Variants in KCTD15 observed in about 807,000 individuals in gnomAD.
The protein encoded by KCTD15 is potassium channel tetramerization domain containing 15, also known as BTB/POZ domain-containing protein KCTD15.
A neutral mutation model predicts 27.2 loss-of-function variants in KCTD15; 11 were observed. The observed-to-expected ratio is 0.41, with a 90% CI of 0.25 to 0.67. The LOEUF is 0.67. Ranked by LOEUF, KCTD15 falls within the 30% of genes least tolerant of loss-of-function variation. The pLI, the probability that KCTD15 is intolerant of heterozygous loss-of-function variation, is 0.35. For missense variants in KCTD15, 350 were observed against 409.3 expected, an observed-to-expected ratio of 0.86 and a Z score of 1.25; for synonymous variants, 163 against 176.0, an observed-to-expected ratio of 0.93 and a Z score of 0.58.
At chr19:33,801,591 C>A (rs535757594) in intron 4 of KCTD15, 2 of 401,450 alleles carry the variant, frequency 5.0e-6, no homozygotes, top group Admixed American at 8.7e-5. Context: ...TCCTGACCCA[C>A]CTGCAGGGGA....
chr19:33,813,348 A>T lies in KCTD15; in HGVS notation c.*400A>T, dbSNP rs1200603857. On this transcript the variant is annotated 3_prime_UTR_variant, in exon 7 of 7. Transcript: ENST00000683859. ...TGGCGGGTCTCCTAGCGTCCGAGAG[A>T]TGGCTTATTTTCTACAGTATTTAAA... 7.2e-6 allele frequency: 3 copies of T among 415,630 alleles called. No individual in the cohort carries two copies. The East Asian group carries it at 1.8e-4, about 25-fold the overall frequency. 25.7% of individuals were successfully genotyped at this position (415,630 alleles called of 1,614,324 possible).
At chr19:33,800,390 G>C (rs1350973706) in intron 2 of KCTD15, 38 bp from the exon 3 acceptor site, 5 of 1,480,966 alleles carry the variant, frequency 3.4e-6, no homozygotes, top group South Asian at 1.2e-5. Context: ...TGACTAGGAG[G>C]AATAAGCCTT....
intron 4 of KCTD15, among the ~76,000 whole-genome samples, chr19:33,804,029 CAG>C (rs61051888): frequency 0.047 from 7,184 of 152,144 alleles, 521 homozygotes; most frequent in African/African-American, 0.16. Context: ...CATCCTCTCT[CAG>C]AGGGTGGCCT....
chr19:33,803,970 G>A (rs1370855261), intron 4 of KCTD15, among the ~76,000 whole-genome samples: 1 of 152,198 alleles, frequency 6.6e-6, no homozygotes, highest in Non-Finnish European at 1.5e-5. Flanking sequence ...AGCGTGAACT[G>A]GCCACCTCAT....
chr19:33,805,028 A>C (rs79035980), intron 4 of KCTD15, among the ~76,000 whole-genome samples: 2 of 152,188 alleles, frequency 1.3e-5, no homozygotes, highest in African/African-American at 4.8e-5. Flanking sequence ...CATGGACTCA[A>C]GTGATCCTCC....
chr19:33,800,090 G>A (rs287104), intron 2 of KCTD15, among the ~76,000 whole-genome samples: 101,506 of 152,080 alleles, frequency 0.67, 34,853 homozygotes, highest in African/African-American at 0.8. Flanking sequence ...GGAAAATCTG[G>A]TTTGTTCTGA....
chr19:33,801,075 ACT>A (rs1975523280), intron 3 of KCTD15, 90 bp from the exon 4 acceptor site: 3 of 1,220,964 alleles, frequency 2.5e-6, no homozygotes, highest in African/African-American at 1.5e-5. Flanking sequence ...CTGTGATCAC[ACT>A]CTCAATAAAG....
In KCTD15 at chr19:33,797,277, TGTGTGTGC is replaced by T. The variant is rs1354026546; in HGVS notation, c.-127+292_-127+299del. On this transcript the variant is annotated intron_variant, in intron 1 of 6. Coordinates refer to ENST00000683859, the MANE Select transcript of KCTD15 (RefSeq NM_001129994.2). The stretch of plus-strand genomic sequence containing the variant: ...GTGTGTGTGTGTGTGTGTGTGTGTG[TGTGTGTGC>T]GCGCGCGCGCGCGCGCGCTTGTGGA... 9.1e-3 allele frequency: 2,111 copies of T among 232,794 alleles called. 66 individuals are homozygous for T. Among genetic ancestry groups the T allele is most frequent in the African/African-American group, 0.045 (962 of 21,146 alleles). The allele number at this position is 232,794 out of a possible 1,614,324, so 14.4% of individuals were successfully genotyped here. A position where few individuals can be genotyped will look rare whatever the true frequency, so the allele number is the denominator to read the frequency against.
intron 4 of KCTD15, among the ~76,000 whole-genome samples, chr19:33,802,101 G>T (rs1469498637): frequency 6.6e-6 from 1 of 152,200 alleles, no homozygotes; most frequent in Non-Finnish European, 1.5e-5. Flanking sequence ...CTTGCAGGGT[G>T]TTTCTCTCCT....
chr19:33,806,465 A>G (rs1032543722), intron 4 of KCTD15, among the ~76,000 whole-genome samples: 2 of 151,788 alleles, frequency 1.3e-5, no homozygotes, highest in Non-Finnish European at 2.9e-5. Flanking sequence ...TGGATGGTTC[A>G]TGTGCATTTT....
chr19:33,804,997 G>A (rs207477186), intron 4 of KCTD15, among the ~76,000 whole-genome samples: 8 of 151,622 alleles, frequency 5.3e-5, no homozygotes, highest in South Asian at 2.1e-4. Flanking sequence ...GTGTGATCTC[G>A]GCTCATTGCA....
chr19:33,811,843 A>C (rs775581537), intron 6 of KCTD15: 2 of 1,606,148 alleles, frequency 1.2e-6, no homozygotes, highest in East Asian at 4.5e-5. Context: ...GCTTCATTTG[A>C]CACCCAGAGT....
rs1005653105 is a variant in KCTD15 at position 33,797,518 on chromosome 19, C to T, written c.-127+531C>T. The T allele has an allele frequency of 3.9e-5, 15 of 379,990 alleles. No individual in the cohort carries two copies. In the Middle Eastern group the frequency reaches 2.2e-3, roughly 55 times the overall value. 23.5% of individuals were successfully genotyped at this position (379,990 alleles called of 1,614,324 possible). A position where few individuals can be genotyped will look rare whatever the true frequency, so the allele number is the denominator to read the frequency against. On this transcript the variant is annotated intron_variant, in intron 1 of 6. Transcript: ENST00000683859. The stretch of plus-strand genomic sequence containing the variant: ...CGAAACCTGGCAGGAGGGGCTGTCG[C>T]GCTGGTGGTGGTCCCGGGCGCGCAG...
intron 3 of KCTD15, among the ~76,000 whole-genome samples, chr19:33,800,721 G>A (rs1252252249): frequency 6.6e-6 from 1 of 152,198 alleles, no homozygotes; most frequent in Admixed American, 6.5e-5. Flanking sequence ...CAACGCCTTA[G>A]GTGCTGAGGA....
At position 33,811,324 on chromosome 19, in the gene KCTD15, G is replaced by A. The variant is rs567859330; in HGVS notation, c.465G>A (p.Gln155=). 346 of 1,553,270 alleles carry A rather than the reference G, an allele frequency of 2.2e-4. 2 individuals carry two copies. The Middle Eastern group carries it at 2.5e-3, about 11-fold the overall frequency. Residue 155 remains glutamine, a synonymous_variant, in exon 6 of 7, where the codon CAG becomes CAA. Transcript: ENST00000683859. Reference sequence around the variant, plus strand: ...TGCGCGAGCTGGAGCGCTGGCAGCAGGAGCAGGAGCAGCGGCGCCGCAGCC... The same window carrying A: ...TGCGCGAGCTGGAGCGCTGGCAGCAAGAGCAGGAGCAGCGGCGCCGCAGCC... ...PMVRELERWQ[Q]EQEQRRRSRA...
intron 4 of KCTD15, among the ~76,000 whole-genome samples, chr19:33,802,691 A>AGGATG (rs1379261465): frequency 3.3e-5 from 5 of 152,160 alleles, no homozygotes; most frequent in Non-Finnish European, 5.9e-5. Flanking sequence ...AGCCCTGTCT[A>AGGATG]GGATGGGAGA....
At position 33,812,187 on chromosome 19, in the gene KCTD15, G is replaced by A; in HGVS notation, c.694-603G>A. The A allele has an allele frequency of 2.6e-6, 3 of 1,133,804 alleles. No individual in the cohort carries two copies. The East Asian group carries it at 1.6e-4, about 60-fold the overall frequency. The allele number at this position is 1,133,804 out of a possible 1,614,324, so 70.2% of individuals were successfully genotyped here. The stretch of plus-strand genomic sequence containing the variant: ...AGAACTTGCTAGTTGCAGGAGACGG[G>A]TGTTACACGCAGTCATCAGACCTCA... On this transcript the variant is annotated intron_variant, in intron 6 of 6. Transcript: ENST00000683859.
At chr19:33,811,181 C>A in intron 5 of KCTD15, 66 bp from the exon 6 acceptor site, 4 of 900,674 alleles carry the variant, frequency 4.4e-6, no homozygotes, top group Non-Finnish European at 6.3e-6. Flanking sequence ...GCCGCCTCCC[C>A]TCTCCCCCTT....
chr19:33,801,347 G>A lies in KCTD15; in HGVS notation c.242+5G>A. On this transcript the variant is annotated splice_donor_5th_base_variant and intron_variant, in intron 4 of 6. Transcript: ENST00000683859. The stretch of plus-strand genomic sequence containing the variant: ...CACCAAGTACCCTGACTCCAGGTAA[G>A]AGTAAGCCCCTTGAAACATCAGGCA... 1 of 1,603,302 alleles carries A rather than the reference G, an allele frequency of 6.2e-7. No homozygotes were observed. Among genetic ancestry groups the A allele is most frequent in the South Asian group, 1.1e-5 (1 of 89,752 alleles).
Sources: allele counts gnomAD v4.1 joint callset (sites outside exome capture counted in the v4.1 genomes callset), GRCh38; gene constraint gnomAD v4.1.1; transcripts MANE v1.5; gene names NCBI Gene and HGNC (gene_info 2026-07-23, HGNC 2026-07-21).